Variants in NUP93 observed in about 807,000 individuals in gnomAD.
NUP93 encodes nuclear pore complex protein Nup93.
In NUP93, 55 loss-of-function variants were observed where a neutral mutation model predicts 107.8. That is an observed-to-expected ratio of 0.51 (90% CI 0.41 to 0.64). The LOEUF (loss-of-function observed/expected upper bound fraction) is 0.64, where lower values mean the gene tolerates loss of function less well. NUP93 is among the 30% of genes least tolerant of loss of function. NUP93 has a pLI of 0.00. For missense variants in NUP93, 937 were observed against 1,044.7 expected (o/e 0.90, Z 1.42); for synonymous variants, 390 against 397.5 (o/e 0.98, Z 0.22).
At chr16:56,796,960 G>A (rs1410822984) in intron 3 of NUP93, among the ~76,000 whole-genome samples, 2 of 148,504 alleles carry the variant, frequency 1.3e-5, no homozygotes, top group Non-Finnish European at 3.0e-5. Context: ...AACAGAGCGA[G>A]ACTCCATCTC....
intron 3 of NUP93, among the ~76,000 whole-genome samples, chr16:56,787,520 C>T (rs1387178346): frequency 6.6e-6 from 1 of 152,176 alleles, no homozygotes; most frequent in Non-Finnish European, 1.5e-5. Flanking sequence ...CGAGACACAC[C>T]CTCTGCTATC....
At chr16:56,787,739 T>A (rs1962659577) in intron 3 of NUP93, among the ~76,000 whole-genome samples, 1 of 152,192 alleles carries the variant, frequency 6.6e-6, no homozygotes, top group African/African-American at 2.4e-5. Flanking sequence ...CATTTTATAC[T>A]GCAGTGCGGT....
intron 5 of NUP93, among the ~76,000 whole-genome samples, chr16:56,815,783 G>C (rs1963407423): frequency 2.0e-5 from 3 of 152,016 alleles, no homozygotes; most frequent in Admixed American, 1.3e-4. Flanking sequence ...TACAGCTAAG[G>C]AAACTGAGGC....
At position 56,734,911 on chromosome 16, in the gene NUP93, A is replaced by G. The variant is rs570904463; in HGVS notation, c.-15+4700A>G. ...TAACCCCTCCCACTCCATGCACCCTACTGTCTGTGCCCATCTCTATCTTTC... is the reference window on the plus strand; with the variant it reads ...TAACCCCTCCCACTCCATGCACCCTGCTGTCTGTGCCCATCTCTATCTTTC... On this transcript the variant is annotated intron_variant, in intron 1 of 21. Transcript: ENST00000308159. 2.0e-5 allele frequency among the ~76,000 whole-genome samples: 3 copies of G among 152,178 alleles called. No homozygotes were observed. In the South Asian group the frequency reaches 6.3e-4, roughly 32 times the overall value.
Position 56,790,245 on chromosome 16 carries a change from G to A in NUP93, c.298-8231G>A, listed in dbSNP as rs570717711. Among the ~76,000 whole-genome samples, 5 of 152,308 alleles carry A rather than the reference G, an allele frequency of 3.3e-5. No homozygotes were observed. In the South Asian group the frequency reaches 1.0e-3, roughly 32 times the overall value. ...CAGTGTCTCATGGGCCTTGTAAGCT[G>A]ACGTTTTATATATTCTTATTTTATT... On this transcript the variant is annotated intron_variant, in intron 3 of 21. Transcript: ENST00000308159.
intron 17 of NUP93, among the ~76,000 whole-genome samples, chr16:56,837,135 C>T (rs1426849181): frequency 1.3e-5 from 2 of 152,110 alleles, no homozygotes; most frequent in African/African-American, 4.8e-5. Flanking sequence ...CTTAGCTGGG[C>T]GTTTTGAGAG....
intron 3 of NUP93, among the ~76,000 whole-genome samples, chr16:56,762,123 G>C (rs1281907182): frequency 6.6e-6 from 1 of 152,084 alleles, no homozygotes; most frequent in Non-Finnish European, 1.5e-5. Flanking sequence ...GTGGTGCTTG[G>C]GAGTATGCGT....
intron 3 of NUP93, among the ~76,000 whole-genome samples, chr16:56,793,545 G>A (rs111370552): frequency 1.3e-4 from 20 of 152,196 alleles, no homozygotes; most frequent in African/African-American, 4.1e-4. Context: ...AGCTATATGA[G>A]TACATCTCCT....
chr16:56,753,431 T>C (rs1387551418), intron 2 of NUP93, among the ~76,000 whole-genome samples: 3 of 152,152 alleles, frequency 2.0e-5, no homozygotes, highest in Non-Finnish European at 2.9e-5. Context: ...ATCATGGGGA[T>C]TCTGTCAGTA....
At chr16:56,733,968 ATAGTCTTC>A (rs1961573097) in intron 1 of NUP93, among the ~76,000 whole-genome samples, 1 of 152,264 alleles carries the variant, frequency 6.6e-6, no homozygotes, top group African/African-American at 2.4e-5. Context: ...CACCAAAGTT[ATAGTCTTC>A]TCTTCCTTCC....
At chr16:56,832,706 C>G (rs555878906) in intron 12 of NUP93, among the ~76,000 whole-genome samples, 1 of 152,308 alleles carries the variant, frequency 6.6e-6, no homozygotes, top group Admixed American at 6.5e-5. Flanking sequence ...GTACCAGTCA[C>G]TAGATCTGAG....
intron 3 of NUP93, chr16:56,783,562 T>C (rs1962559592): frequency 1.0e-6 from 1 of 985,450 alleles, no homozygotes. Flanking sequence ...GACTCAATTA[T>C]CCACGCCTTG....
At chr16:56,746,468 G>A (rs1380881322) in intron 1 of NUP93, among the ~76,000 whole-genome samples, 2 of 152,192 alleles carry the variant, frequency 1.3e-5, no homozygotes, top group African/African-American at 4.8e-5. Context: ...GAAACTTGAG[G>A]TTAAGAGTTA....
chr16:56,751,124 A>G (rs1025592119), intron 2 of NUP93, among the ~76,000 whole-genome samples: 7 of 151,998 alleles, frequency 4.6e-5, no homozygotes, highest in Admixed American at 1.3e-4. Flanking sequence ...TTTCTCACCA[A>G]AGACACCACA....
intron 4 of NUP93, among the ~76,000 whole-genome samples, 185 bp from the exon 5 acceptor site, chr16:56,805,319 A>G (rs1164859232): frequency 6.6e-5 from 10 of 152,212 alleles, no homozygotes; most frequent in Admixed American, 4.6e-4. Context: ...AAATGCTGGG[A>G]TTACAGGTGT....
intron 3 of NUP93, among the ~76,000 whole-genome samples, chr16:56,789,726 T>C (rs1220531153): frequency 6.6e-6 from 1 of 152,282 alleles, no homozygotes; most frequent in Non-Finnish European, 1.5e-5. Context: ...CGCTTAGCAC[T>C]GCTTTCTGCA....
chr16:56,815,899 G>GCTGGTGCTGCTGC (rs1555495759), intron 5 of NUP93, among the ~76,000 whole-genome samples: 24 of 96,030 alleles, frequency 2.5e-4, no homozygotes, highest in Non-Finnish European at 4.2e-4. Flanking sequence ...GCTGCTGCTG[G>GCTGGTGCTGCTGC]TGCTGCTGCT....
intron 8 of NUP93, among the ~76,000 whole-genome samples, chr16:56,826,510 C>T (rs1963661592): frequency 1.1e-5 from 1 of 87,038 alleles, no homozygotes; most frequent in Non-Finnish European, 2.3e-5. Flanking sequence ...AGCAAGACTC[C>T]GTCTAAAAAA....
intron 5 of NUP93, among the ~76,000 whole-genome samples, chr16:56,818,410 G>T (rs536359825): frequency 6.6e-6 from 1 of 152,156 alleles, no homozygotes; most frequent in African/African-American, 2.4e-5. Flanking sequence ...AGTCATTGAG[G>T]TATTGATAGG....
Sources: allele counts gnomAD v4.1 joint callset (sites outside exome capture counted in the v4.1 genomes callset), GRCh38; gene constraint gnomAD v4.1.1; transcripts MANE v1.5; gene names NCBI Gene and HGNC (gene_info 2026-07-23, HGNC 2026-07-21).